Variants in TCF7 observed in about 807,000 individuals in gnomAD.
TCF7 encodes T-cell-factor-7.
A neutral mutation model predicts 46.8 loss-of-function variants in TCF7; 19 were observed. The observed-to-expected ratio is 0.41, with a 90% CI of 0.28 to 0.60. The LOEUF (loss-of-function observed/expected upper bound fraction) is 0.60, where lower values mean the gene tolerates loss of function less well. Among genes scored for constraint, TCF7 ranks in the 20% least tolerant of loss-of-function variants. The probability of loss-of-function intolerance (pLI) is 0.35; values close to 1 mark genes in which losing one functional copy is unlikely to be tolerated. For synonymous variants in TCF7, 245 were observed against 213.4 expected, an observed-to-expected ratio of 1.15 and a Z score of -1.29; for missense variants, 547 against 504.6, an observed-to-expected ratio of 1.08 and a Z score of -0.81.
At chr5:134,127,545 A>AG (rs1290492074) in intron 3 of TCF7, among the ~76,000 whole-genome samples, 1 of 152,092 alleles carries the variant, frequency 6.6e-6, no homozygotes, top group Non-Finnish European at 1.5e-5. Context: ...GGGCTGGGCT[A>AG]GGGGGTTTCC....
intron 3 of TCF7, chr5:134,137,720 T>G (rs1383817777): frequency 5.0e-6 from 1 of 201,916 alleles, no homozygotes; most frequent in Non-Finnish European, 9.9e-6. Flanking sequence ...GGCCATGCCC[T>G]GCTTTAGGGG....
intron 2 of TCF7, chr5:134,115,627 C>G: frequency 7.0e-7 from 1 of 1,432,970 alleles, no homozygotes; most frequent in Non-Finnish European, 9.1e-7. Context: ...CCCCTCCTGC[C>G]CAGGTGACTG....
chr5:134,114,961 G>T lies in TCF7; in HGVS notation c.55G>T (p.Ala19Ser). 1 of 1,163,304 alleles carries T rather than the reference G, an allele frequency of 8.6e-7. No homozygotes were observed. The highest frequency in any genetic ancestry group is 6.2e-5 in the East Asian group (1 of 16,094). The allele number at this position is 1,163,304 out of a possible 1,614,324, so 72.1% of individuals were successfully genotyped here. The change falls in exon 1 of 10, where the codon GCG becomes TCG. Residue 19 changes from alanine to serine, a missense_variant. This residue lies in a region of TCF7 where 425 missense variants were observed against 349.9 expected (regional missense o/e 1.21). Transcript: ENST00000342854. ...CGCGGGCGGCGGCGACGACCTCGGC[G>T]CGCCGGACGAGCTGCTGGCCTTCCA... ...GGAGGGDDLG[A>S]PDELLAFQDE...
chr5:134,135,058 ATCC>A (rs1322769559), intron 3 of TCF7, among the ~76,000 whole-genome samples: 1 of 152,140 alleles, frequency 6.6e-6, no homozygotes, highest in Non-Finnish European at 1.5e-5. Flanking sequence ...GGCTCCAATG[ATCC>A]TCCTCCCTCA....
upstream of TCF7, among the ~76,000 whole-genome samples, chr5:134,110,792 G>A (rs115167336): frequency 1.0e-3 from 155 of 152,334 alleles, 1 homozygote; most frequent in African/African-American, 3.7e-3. Context: ...CACATTTCAA[G>A]GGTCTCCCTG....
Position 134,143,648 on chromosome 5 carries a change from C to T in TCF7, c.1075+8C>T. On this transcript the variant is annotated splice_region_variant and intron_variant, in intron 9 of 9. Transcript: ENST00000342854. ...ACCAAGAATCCACCACAGGTGAGACCTTCTCTCAGCAGCAGTGGAGGCTCC... is the reference window on the plus strand; with the variant it reads ...ACCAAGAATCCACCACAGGTGAGACTTTCTCTCAGCAGCAGTGGAGGCTCC... 6.2e-7 allele frequency: 1 copy of T among 1,613,878 alleles called. No individual in the cohort carries two copies. Among genetic ancestry groups the T allele is most frequent in the Non-Finnish European group, 8.5e-7 (1 of 1,179,988 alleles).
chr5:134,143,823 C>T, intron 9 of TCF7, 183 bp downstream of exon 9: 2 of 653,870 alleles, frequency 3.1e-6, no homozygotes, highest in South Asian at 3.9e-5. Flanking sequence ...CTATATTATA[C>T]TAAGTCCCAG....
chr5:134,123,696 G>T, intron 3 of TCF7: 1 of 456,284 alleles, frequency 2.2e-6, no homozygotes, highest in South Asian at 1.5e-5. Flanking sequence ...TGGTGCTGGG[G>T]CAGCGCTGGT....
chr5:134,139,123 C>T, intron 5 of TCF7, 85 bp downstream of exon 5: 1 of 1,538,346 alleles, frequency 6.5e-7, no homozygotes, highest in Non-Finnish European at 8.8e-7. Flanking sequence ...CTCCATCCCT[C>T]TTGGCTGGCC....
chr5:134,124,302 C>T (rs1388219506), intron 3 of TCF7, among the ~76,000 whole-genome samples: 2 of 152,204 alleles, frequency 1.3e-5, no homozygotes, highest in Non-Finnish European at 1.5e-5. Context: ...CGCCTTCCTC[C>T]CTTAAAAATG....
upstream of TCF7, among the ~76,000 whole-genome samples, chr5:134,109,770 C>CAAAAAAAAAAAAAAAA (rs59510685): frequency 5.7e-5 from 8 of 140,276 alleles, no homozygotes; most frequent in African/African-American, 2.0e-4. Flanking sequence ...GGCTCCATCT[C>CAAAAAAAAAAAAAAAA]AAAAAAAAAA....
the TCF7 span, among the ~76,000 whole-genome samples, chr5:134,108,994 A>G: frequency 6.6e-6 from 1 of 152,218 alleles, no homozygotes; most frequent in Non-Finnish European, 1.5e-5. Context: ...TAAAACAGCC[A>G]GGAGGGTTTC....
At chr5:134,123,895 A>AG (rs995818653) in intron 3 of TCF7, 126 of 450,206 alleles carry the variant, frequency 2.8e-4, no homozygotes, top group Admixed American at 1.5e-3. Context: ...GCCAAGGGAG[A>AG]GGTAGGCTTT....
intron 2 of TCF7, 146 bp downstream of exon 2, chr5:134,115,533 C>T (rs2149263987): frequency 1.4e-6 from 2 of 1,440,122 alleles, no homozygotes; most frequent in Middle Eastern, 2.6e-4. Context: ...GAGTGGGGGG[C>T]GGGCTTCCCG....
chr5:134,109,770 C>CAAAAAAAAAAAAAAAAAAAAAAA (rs59510685), upstream of TCF7, among the ~76,000 whole-genome samples: 12 of 140,312 alleles, frequency 8.6e-5, no homozygotes, highest in African/African-American at 3.1e-4. Context: ...GGCTCCATCT[C>CAAAAAAAAAAAAAAAAAAAAAAA]AAAAAAAAAA....
At position 134,114,815 on chromosome 5, in the gene TCF7, G is replaced by A. The variant is rs978865103; in HGVS notation, c.-92G>A. On this transcript the variant is annotated 5_prime_UTR_variant, in exon 1 of 10. Transcript: ENST00000342854. ...CGCCCGCCGCGATCCGAGCTCGGAG[G>A]TTCGGACTCCGGGCTCGCCGCCCCC... 1.2e-5 allele frequency: 12 copies of A among 977,276 alleles called. No homozygotes were observed. The African/African-American group carries it at 1.6e-4, about 13-fold the overall frequency. 60.5% of individuals were successfully genotyped at this position (977,276 alleles called of 1,614,324 possible). A position where few individuals can be genotyped will look rare whatever the true frequency, so the allele number is the denominator to read the frequency against.
chr5:134,145,579 C>T, intron 9 of TCF7: 1 of 721,076 alleles, frequency 1.4e-6, no homozygotes, highest in Non-Finnish European at 2.3e-6. Flanking sequence ...GCAGTAAGGC[C>T]ACTGGCTCTA....
chr5:134,123,701 G>A (rs560780677), intron 3 of TCF7: 320 of 456,312 alleles, frequency 7.0e-4, no homozygotes, highest in South Asian at 1.7e-3. Flanking sequence ...CTGGGGCAGC[G>A]CTGGTTCCAG....
intron 3 of TCF7, among the ~76,000 whole-genome samples, chr5:134,117,228 G>A (rs1755951716): frequency 2.0e-5 from 3 of 152,226 alleles, no homozygotes; most frequent in South Asian, 4.1e-4. Flanking sequence ...GGGTGGCTTG[G>A]TATATGAGGT....
Sources: allele counts gnomAD v4.1 joint callset (sites outside exome capture counted in the v4.1 genomes callset), GRCh38; gene constraint gnomAD v4.1.1; regional missense constraint gnomAD v4.1.1; transcripts MANE v1.5; gene names NCBI Gene and HGNC (gene_info 2026-07-23, HGNC 2026-07-21).